BCO2: variants seen among roughly 807,000 people sequenced by gnomAD.
BCO2 encodes the protein beta-carotene oxygenase 2.
Under a neutral mutation model 65.8 loss-of-function variants are expected in BCO2, and 56 were observed. That is an observed-to-expected ratio of 0.85 (90% confidence interval 0.69 to 1.06). The LOEUF (loss-of-function observed/expected upper bound fraction) is 1.06. BCO2 is among the 50% of genes least tolerant of loss of function. The pLI, the probability that BCO2 is intolerant of heterozygous loss-of-function variation, is 0.00. For missense variants in BCO2, 675 were observed against 698.5 expected (o/e 0.97, Z 0.38); for synonymous variants, 233 against 242.3 (o/e 0.96, Z 0.36).
At chr11:112,202,746 G>A (rs1867767087) in intron 8 of BCO2, among the ~76,000 whole-genome samples, 1 of 152,100 alleles carries the variant, frequency 6.6e-6, no homozygotes, top group South Asian at 2.1e-4. Context: ...GCCAAGATAT[G>A]TGTTTAAAAG....
intron 10 of BCO2, 107 bp from the exon 11 acceptor site, chr11:112,216,113 C>A: frequency 1.3e-6 from 1 of 745,506 alleles, no homozygotes; most frequent in Non-Finnish European, 2.3e-6. Context: ...AGGGGACACA[C>A]ATCCAAACTA....
At chr11:112,183,200 AGGGACT>A in intron 2 of BCO2, 1 of 840,656 alleles carries the variant, frequency 1.2e-6, no homozygotes, top group East Asian at 2.4e-5. Flanking sequence ...GAGAAATTTT[AGGGACT>A]GGAGGAAGAT....
intron 1 of BCO2, among the ~76,000 whole-genome samples, chr11:112,178,020 C>T (rs1410001666): frequency 2.7e-5 from 4 of 149,018 alleles, no homozygotes; most frequent in African/African-American, 7.4e-5. Flanking sequence ...TGCGATTCTC[C>T]TGCCTCAGCT....
chr11:112,197,367 G>A (rs558062657), intron 5 of BCO2, among the ~76,000 whole-genome samples: 11 of 152,100 alleles, frequency 7.2e-5, no homozygotes, highest in African/African-American at 2.7e-4. Context: ...GGACAATATA[G>A]CAAGACCTCA....
chr11:112,200,787 A>G lies in BCO2; in HGVS notation c.1026+14A>G, dbSNP rs1214370060. The G allele has an allele frequency of 1.2e-6, 2 of 1,603,620 alleles. No homozygotes were observed. The highest frequency in any genetic ancestry group is 8.5e-7 in the Non-Finnish European group (1 of 1,177,680). The stretch of plus-strand genomic sequence containing the variant: ...CGCACTGGACAGGTGGAGTATTTTG[A>G]GTATATTTATCATGAAAATTGTTGG... On this transcript the variant is annotated intron_variant, in intron 7 of 11. Coordinates refer to ENST00000357685, the MANE Select transcript of BCO2 (RefSeq NM_031938.7).
In BCO2 at chr11:112,183,230, A is replaced by G; in HGVS notation, c.293+3748A>G. 5.2e-6 allele frequency: 4 copies of G among 773,776 alleles called. No homozygotes were observed. In the South Asian group the frequency reaches 5.7e-5, roughly 11 times the overall value. The allele number at this position is 773,776 out of a possible 1,614,324, so 47.9% of individuals were successfully genotyped here. A position where few individuals can be genotyped will look rare whatever the true frequency, so the allele number is the denominator to read the frequency against. The stretch of plus-strand genomic sequence containing the variant: ...CTGGAGGAAGATCTACAAGATGAAA[A>G]TATTTTCCTTATCACTTTTCTTTCT... On this transcript the variant is annotated intron_variant, in intron 2 of 11. Coordinates refer to ENST00000357685, the MANE Select transcript of BCO2 (RefSeq NM_031938.7).
At chr11:112,213,599 A>G in intron 8 of BCO2, 125 bp from the exon 9 acceptor site, 3 of 1,069,520 alleles carry the variant, frequency 2.8e-6, no homozygotes, top group Non-Finnish European at 4.1e-6. Context: ...AAGTAGATGA[A>G]TGAATGGAAA....
chr11:112,216,448 C>T (rs182323921), intron 11 of BCO2, 118 bp downstream of exon 11: 5 of 682,956 alleles, frequency 7.3e-6, no homozygotes, highest in South Asian at 3.7e-5. Flanking sequence ...CTTCTCTTCC[C>T]CTCCTTACTA....
chr11:112,213,838 G>C lies in BCO2; in HGVS notation c.1309G>C (p.Ala437Pro). 1 of 1,612,214 alleles carries C rather than the reference G, an allele frequency of 6.2e-7. No individual in the cohort carries two copies. The highest frequency in any genetic ancestry group is 8.5e-7 in the Non-Finnish European group (1 of 1,178,918). Residue 437 changes from alanine to proline, a missense_variant, in exon 9 of 12, where the codon GCT (alanine) becomes CCT (proline). Physicochemically the swap from Ala to Pro is conservative, Grantham distance 27. Transcript: ENST00000357685. The part of the protein sequence containing the change: ...LSPLSYTSAS[A>P]VKQADGTIWC... ...TCCATTGTCCTATACTTCAGCCAGT[G>C]CTGTGAAACAGGCTGATGGAACGGT... is the stretch of plus-strand genomic sequence containing the variant.
intron 9 of BCO2, among the ~76,000 whole-genome samples, chr11:112,214,412 G>A (rs943530414): frequency 3.3e-5 from 5 of 151,988 alleles, no homozygotes; most frequent in African/African-American, 4.8e-5. Flanking sequence ...GCCTCCCAAA[G>A]TGCTGGGATT....
chr11:112,175,633 G>A lies in BCO2; in HGVS notation c.32G>A (p.Arg11Lys). MFFRVFLHFIRSHSATAVDFL... is the reference protein window; with the variant it reads MFFRVFLHFIKSHSATAVDFL... ...TTTCGAGTCTTTCTCCATTTTATCA[G>A]GAGTCATTCTGCCACTGCAGTGGAT... The change falls in exon 1 of 12, where the codon AGG becomes AAG. Residue 11 changes from arginine (R) to lysine (K), a missense_variant. Arg to Lys is a conservative substitution (Grantham distance 26, BLOSUM62 2). Transcript: ENST00000357685. 2 of 1,614,042 alleles carry A rather than the reference G, an allele frequency of 1.2e-6. No homozygotes were observed. Among genetic ancestry groups the A allele is most frequent in the Non-Finnish European group, 1.7e-6 (2 of 1,179,920 alleles).
At chr11:112,191,500 GTTCT>G (rs1867390423) in intron 2 of BCO2, among the ~76,000 whole-genome samples, 1 of 152,070 alleles carries the variant, frequency 6.6e-6, no homozygotes, top group South Asian at 2.1e-4. Flanking sequence ...ACCATCCCCT[GTTCT>G]TGAATAGAGT....
chr11:112,204,011 G>C (rs1389448634), intron 8 of BCO2, among the ~76,000 whole-genome samples: 1 of 152,016 alleles, frequency 6.6e-6, no homozygotes, highest in Non-Finnish European at 1.5e-5. Flanking sequence ...ATACCAACAT[G>C]TCTGGCTAAT....
At chr11:112,175,890 G>T in intron 1 of BCO2, 1 of 499,036 alleles carries the variant, frequency 2.0e-6, no homozygotes, top group Non-Finnish European at 3.6e-6. Context: ...CAGGGAAACA[G>T]CCTTCACATT....
At chr11:112,212,759 C>A (rs546625794) in intron 8 of BCO2, among the ~76,000 whole-genome samples, 20 of 152,342 alleles carry the variant, frequency 1.3e-4, no homozygotes, top group African/African-American at 4.6e-4. Flanking sequence ...AAAACCCCTA[C>A]ATGATGACCC....
intron 5 of BCO2, among the ~76,000 whole-genome samples, chr11:112,195,646 G>A (rs949966732): frequency 1.3e-5 from 2 of 151,704 alleles, no homozygotes; most frequent in Admixed American, 1.3e-4. Context: ...TTTCAGCCAC[G>A]TTGGTCAGGC....
intron 2 of BCO2, chr11:112,181,180 CTTTTTTTT>C: frequency 9.1e-6 from 5 of 548,784 alleles, no homozygotes; most frequent in South Asian, 1.9e-5. Context: ...GAGGAGCTTT[CTTTTTTTT>C]TTTTTTTTTT....
intron 1 of BCO2, 49 bp from the exon 2 acceptor site, chr11:112,179,229 T>G (rs748490595): frequency 6.4e-7 from 1 of 1,559,558 alleles, no homozygotes; most frequent in Non-Finnish European, 8.8e-7. Context: ...GGCAAGTTTA[T>G]AGAAGATTTG....
chr11:112,216,036 A>G, intron 10 of BCO2, 184 bp from the exon 11 acceptor site: 1 of 588,788 alleles, frequency 1.7e-6, no homozygotes, highest in Non-Finnish European at 3.0e-6. Context: ...ACTGGCCCCC[A>G]TCACCCAGCA....
Sources: allele counts gnomAD v4.1 joint callset (sites outside exome capture counted in the v4.1 genomes callset), GRCh38; gene constraint gnomAD v4.1.1; transcripts MANE v1.5; gene names NCBI Gene and HGNC (gene_info 2026-07-23, HGNC 2026-07-21).